The following SELPLG variants were observed in gnomAD, a reference collection of about 807,000 sequenced individuals.
The protein encoded by SELPLG is P-selectin glycoprotein ligand 1.
Under a neutral mutation model 1.1 loss-of-function variants are expected in SELPLG, and 2 were observed. That is an observed-to-expected ratio of 1.82 (90% CI 0.74 to 5.71). The LOEUF is 5.71. Ranked by LOEUF, SELPLG falls within the 30% of genes most tolerant of loss-of-function variation. SELPLG has a pLI of 0.05. For synonymous variants in SELPLG, 230 were observed against 221.2 expected (o/e 1.04, Z -0.35); for missense variants, 478 against 524.7 (o/e 0.91, Z 0.87).
At position 108,622,165 on chromosome 12, in the gene SELPLG, G is replaced by A. The variant is rs1565887754; in HGVS notation, c.*904C>T. 1 of 152,360 alleles carries A rather than the reference G, an allele frequency of 6.6e-6. No homozygotes were observed. The highest frequency in any genetic ancestry group is 6.5e-5 in the Admixed American group (1 of 15,282). 9.4% of individuals were successfully genotyped at this position (152,360 alleles called of 1,614,324 possible). ...GAAAGAGGCTTCCTGGGGGGCCAGG[G>A]GCTGAGGGCAGACAGCTGAGGACCA... On this transcript the variant is annotated 3_prime_UTR_variant, in exon 2 of 2. Coordinates refer to ENST00000550948, the MANE Select transcript of SELPLG (RefSeq NM_003006.4).
chr12:108,623,433 G>A lies in SELPLG; in HGVS notation c.875C>T (p.Thr292Ile). ...GGCTGCCATGGGAATGCCCTTGTGA[G>A]TAACAGAGGACACAGAAAAGGGTAT... The part of the protein sequence containing the change: ...LFIPFSVSSV[T>I]HKGIPMAASN... The change falls in exon 2 of 2, where the codon ACT becomes ATT. Residue 292 changes from threonine (T) to isoleucine (I), a missense_variant. Coordinates refer to ENST00000550948, the MANE Select transcript of SELPLG (RefSeq NM_003006.4). 2 of 1,614,276 alleles carry A rather than the reference G, an allele frequency of 1.2e-6. No individual in the cohort carries two copies. The highest frequency in any genetic ancestry group is 8.5e-7 in the Non-Finnish European group (1 of 1,180,050).
rs2031849012 is a variant in SELPLG at position 108,623,022 on chromosome 12, G to A, written c.*47C>T. The A allele has an allele frequency of 6.9e-7, 1 of 1,452,362 alleles. No homozygotes were observed. Among genetic ancestry groups the A allele is most frequent in the Non-Finnish European group, 9.1e-7 (1 of 1,100,064 alleles). The allele number at this position is 1,452,362 out of a possible 1,614,324, so 90.0% of individuals were successfully genotyped here. ...GTCTGGGCACTCAGGGGTGGCCCAGGAGAGCCCGTGGAGGTGGGGTCTTGC... is the reference window on the plus strand; with the variant it reads ...GTCTGGGCACTCAGGGGTGGCCCAGAAGAGCCCGTGGAGGTGGGGTCTTGC... On this transcript the variant is annotated 3_prime_UTR_variant, in exon 2 of 2. Transcript: ENST00000550948.
chr12:108,627,295 A>G (rs898745447), intron 1 of SELPLG, among the ~76,000 whole-genome samples: 1 of 152,208 alleles, frequency 6.6e-6, no homozygotes, highest in East Asian at 1.9e-4. Context: ...GGAAGGCATG[A>G]GGCCGTCAGG....
At chr12:108,624,347 C>A in intron 1 of SELPLG, 35 bp from the exon 2 acceptor site, 2 of 1,594,604 alleles carry the variant, frequency 1.3e-6, no homozygotes, top group South Asian at 1.1e-5. Flanking sequence ...GATGTCAAGA[C>A]AGTTTCACCC....
Position 108,624,377 on chromosome 12 carries a change from T to A in SELPLG, c.-5-65A>T. 4 of 1,457,162 alleles carry A rather than the reference T, an allele frequency of 2.7e-6. No homozygotes were observed. The South Asian group carries it at 3.8e-5, about 14-fold the overall frequency. The allele number at this position is 1,457,162 out of a possible 1,614,324, so 90.3% of individuals were successfully genotyped here. On this transcript the variant is annotated intron_variant, in intron 1 of 1. Transcript: ENST00000550948. The stretch of plus-strand genomic sequence containing the variant: ...TCACCCTTGGGCTTAGCAAGCACCC[T>A]AGACCACCACCCTCTACTGCCACAG...
chr12:108,625,466 G>A (rs141474652), intron 1 of SELPLG, among the ~76,000 whole-genome samples: 22 of 152,308 alleles, frequency 1.4e-4, no homozygotes, highest in African/African-American at 3.6e-4. Context: ...CAACCTCTCC[G>A]CAAAGACTGG....
At chr12:108,632,068 C>G (rs1020995852) in intron 1 of SELPLG, 10 of 711,832 alleles carry the variant, frequency 1.4e-5, no homozygotes, top group Admixed American at 2.6e-5. Flanking sequence ...CTCCAAGGTT[C>G]TCGGATGATT....
At chr12:108,633,519 A>G (rs1226610615) in intron 1 of SELPLG, among the ~76,000 whole-genome samples, 5 of 152,134 alleles carry the variant, frequency 3.3e-5, no homozygotes, top group African/African-American at 7.2e-5. Context: ...AAGGAAAAAA[A>G]AAGTTGGCAG....
At chr12:108,626,886 C>A (rs955056388) in intron 1 of SELPLG, among the ~76,000 whole-genome samples, 1 of 152,162 alleles carries the variant, frequency 6.6e-6, no homozygotes, top group African/African-American at 2.4e-5. Context: ...AGGTGGCTTA[C>A]CTGATGTCAG....
At chr12:108,626,128 CT>C (rs573374699) in intron 1 of SELPLG, among the ~76,000 whole-genome samples, 19,997 of 125,678 alleles carry the variant, frequency 0.16, 1,746 homozygotes, top group Admixed American at 0.26. Flanking sequence ...GGTTTCTTTT[CT>C]TTTTTTTTTT....
Position 108,623,869 on chromosome 12 carries a change from C to T in SELPLG, c.439G>A (p.Ala147Thr). 6.4e-7 allele frequency: 1 copy of T among 1,573,684 alleles called. No individual in the cohort carries two copies. Among genetic ancestry groups the T allele is most frequent in the Non-Finnish European group, 8.6e-7 (1 of 1,157,432 alleles). Residue 147 changes from alanine (A) to threonine (T), a missense_variant, in exon 2 of 2, where the codon GCA becomes ACA. Ala to Thr is a moderately conservative substitution (Grantham distance 58). Transcript: ENST00000550948. ...CGAGTTGTCTGTGCCTCTGTGGCTGCCAGTGGAGTGGTCTGTGCCTCCGTG... is the reference window on the plus strand; with the variant it reads ...CGAGTTGTCTGTGCCTCTGTGGCTGTCAGTGGAGTGGTCTGTGCCTCCGTG... The part of the protein sequence containing the change: ...VPTEAQTTPL[A>T]ATEAQTTRLT...
At chr12:108,626,293 C>T (rs1214802025) in intron 1 of SELPLG, among the ~76,000 whole-genome samples, 4 of 151,944 alleles carry the variant, frequency 2.6e-5, no homozygotes, top group Admixed American at 2.6e-4. Flanking sequence ...CACAACTATG[C>T]CCAGCTAATT....
intron 1 of SELPLG, among the ~76,000 whole-genome samples, chr12:108,630,336 C>CTCAG (rs2032025330): frequency 6.6e-6 from 1 of 152,250 alleles, no homozygotes; most frequent in African/African-American, 2.4e-5. Flanking sequence ...CCCTGAGCTG[C>CTCAG]TCAGGAAAGA....
chr12:108,632,393 T>G (rs1195224526), intron 1 of SELPLG, among the ~76,000 whole-genome samples: 232 of 99,126 alleles, frequency 2.3e-3, no homozygotes, highest in African/African-American at 0.011. Context: ...ATATGGGGTG[T>G]GTGTGTGTGT....
intron 1 of SELPLG, among the ~76,000 whole-genome samples, chr12:108,628,308 T>G: frequency 7.6e-6 from 1 of 131,724 alleles, no homozygotes; most frequent in Non-Finnish European, 1.5e-5. Flanking sequence ...AGTAGGTGCT[T>G]AATAAATGTA....
At chr12:108,624,686 CTTTTTTCTTT>C (rs1000775473) in intron 1 of SELPLG, among the ~76,000 whole-genome samples, 17 of 143,058 alleles carry the variant, frequency 1.2e-4, no homozygotes, top group African/African-American at 3.8e-4. Context: ...CATGTCACTC[CTTTTTTCTTT>C]TTTTTTTTTT....
At chr12:108,624,878 C>T (rs919067891) in intron 1 of SELPLG, among the ~76,000 whole-genome samples, 26 of 152,002 alleles carry the variant, frequency 1.7e-4, no homozygotes, top group Admixed American at 6.6e-4. Flanking sequence ...TTAGTAGAGA[C>T]GGGGTTTCAC....
intron 1 of SELPLG, chr12:108,631,850 C>T: frequency 6.6e-7 from 1 of 1,523,850 alleles, no homozygotes; most frequent in Non-Finnish European, 8.8e-7. Flanking sequence ...ACCCCCAACA[C>T]ACACACACCA....
chr12:108,623,809 C>T lies in SELPLG; in HGVS notation c.499G>A (p.Ala167Thr), dbSNP rs1330667443. The change falls in exon 2 of 2, where the codon GCA (alanine) becomes ACA (threonine). Residue 167 changes from alanine to threonine, a missense_variant. Ala to Thr is a moderately conservative substitution (Grantham distance 58). Coordinates refer to ENST00000550948, the MANE Select transcript of SELPLG (RefSeq NM_003006.4). ...GGAGTGGTCTGTGCCTCTGTGGCTGCCAGTGGAGTGGTCTGTGCCTCCGTG... is the reference window on the plus strand; with the variant it reads ...GGAGTGGTCTGTGCCTCTGTGGCTGTCAGTGGAGTGGTCTGTGCCTCCGTG... ...TATEAQTTPL[A>T]ATEAQTTPPA... The T allele has an allele frequency of 3.1e-6, 5 of 1,610,736 alleles. No homozygotes were observed. In the African/African-American group the frequency reaches 5.4e-5, roughly 18 times the overall value.
Sources: gnomAD v4.1 joint callset for allele counts (sites outside exome capture counted in the v4.1 genomes callset) on GRCh38, gnomAD v4.1.1 for gene constraint, MANE v1.5 for transcripts, NCBI Gene and HGNC (gene_info 2026-07-23, HGNC 2026-07-21) for gene names.